MYO16: variants seen among roughly 807,000 people sequenced by gnomAD.
MYO16 encodes unconventional myosin-XVI.
In MYO16, 94 loss-of-function variants were observed where a neutral mutation model predicts 205.3. The ratio of observed to expected loss-of-function variants is 0.46; its 90% CI spans 0.39 to 0.54. The LOEUF is 0.54. MYO16 is among the 20% of genes least tolerant of loss of function. The pLI is 0.00. For missense variants in MYO16, 2,315 were observed against 2,387.5 expected, an observed-to-expected ratio of 0.97 and a Z score of 0.63; for synonymous variants, 988 against 954.0, an observed-to-expected ratio of 1.04 and a Z score of -0.66.
intron 23 of MYO16, among the ~76,000 whole-genome samples, chr13:109,039,952 T>C (rs1886828867): frequency 6.6e-6 from 1 of 151,494 alleles, no homozygotes; most frequent in African/African-American, 2.4e-5. Flanking sequence ...AAAGAGAAAA[T>C]AGAAAATACA....
intron 6 of MYO16, 126 bp downstream of exon 6, chr13:108,793,766 T>A: frequency 8.7e-7 from 1 of 1,143,060 alleles, no homozygotes; most frequent in Non-Finnish European, 1.2e-6. Context: ...ATGTCAATTG[T>A]AGAAGTTTTG....
chr13:109,002,949 G>A lies in MYO16; in HGVS notation c.2443-5948G>A, dbSNP rs371084490. 1.6e-3 allele frequency among the ~76,000 whole-genome samples: 251 copies of A among 152,186 alleles called. 9 individuals are homozygous for A. In the South Asian group the frequency reaches 0.049, roughly 30 times the overall value. ...CGATATTGAATGATATGTTCCTATT[G>A]TTAACCTTAGCTACATGTTCTAGTG... On this transcript the variant is annotated intron_variant, in intron 21 of 34. Transcript: ENST00000457511.
chr13:108,932,599 G>C (rs1284824202), intron 16 of MYO16, among the ~76,000 whole-genome samples: 2 of 152,204 alleles, frequency 1.3e-5, no homozygotes, highest in Non-Finnish European at 2.9e-5. Context: ...AACCAAGAGA[G>C]GGCTGGCTGT....
At chr13:108,761,308 G>A (rs1338731813) in intron 4 of MYO16, among the ~76,000 whole-genome samples, 1 of 151,990 alleles carries the variant, frequency 6.6e-6, no homozygotes, top group Non-Finnish European at 1.5e-5. Flanking sequence ...GCCGTCCTAA[G>A]AGGGACCTAG....
rs146689422 is a variant in MYO16, at chr13:108,816,468, G to T, written c.868-3869G>T. ...AAAAATATTAACTGCTTCTCTGTAAGGTCTGTGCAGCATTAACCATATCTC... is the reference window on the plus strand; with the variant it reads ...AAAAATATTAACTGCTTCTCTGTAATGTCTGTGCAGCATTAACCATATCTC... On this transcript the variant is annotated intron_variant, in intron 7 of 34. Coordinates refer to ENST00000457511, the MANE Select transcript of MYO16 (RefSeq NM_001198950.3). Among the ~76,000 whole-genome samples the T allele has an allele frequency of 3.8e-3, 571 of 151,488 alleles. 3 individuals carry two copies. Among genetic ancestry groups the T allele is most frequent in the South Asian group, 0.024 (112 of 4,756 alleles).
the MYO16 span, among the ~76,000 whole-genome samples, chr13:108,510,461 GT>G: frequency 0.042 from 1,911 of 45,920 alleles, 37 homozygotes; most frequent in African/African-American, 0.075. Context: ...ATTGATAGCT[GT>G]TTTTTTTTTT....
chr13:108,566,743 AAGGAAGG>A, the MYO16 span, among the ~76,000 whole-genome samples: 2,619 of 66,072 alleles, frequency 0.04, 64 homozygotes, highest in African/African-American at 0.11. Context: ...GGGAGGAAGG[AAGGAAGG>A]AAGGAAGGAA....
At chr13:109,021,565 T>C (rs2139517511) in intron 23 of MYO16, among the ~76,000 whole-genome samples, 1 of 152,248 alleles carries the variant, frequency 6.6e-6, no homozygotes, top group Non-Finnish European at 1.5e-5. Context: ...AGCAACTGGA[T>C]CCCAGTGCAA....
chr13:109,030,115 T>C (rs1886501700), intron 23 of MYO16, among the ~76,000 whole-genome samples: 1 of 150,170 alleles, frequency 6.7e-6, no homozygotes, highest in Non-Finnish European at 1.5e-5. Flanking sequence ...AGGTTCCTAA[T>C]AACCTTCTTT....
chr13:108,519,379 CT>C, the MYO16 span, among the ~76,000 whole-genome samples: 1 of 152,116 alleles, frequency 6.6e-6, no homozygotes, highest in Non-Finnish European at 1.5e-5. Flanking sequence ...CCTTTTCTCT[CT>C]TTCTTTGTAC....
Position 108,667,915 on chromosome 13 carries a change from G to A in MYO16, c.292+1766G>A, listed in dbSNP as rs562084152. Among the ~76,000 whole-genome samples, 11 of 152,150 alleles carry A rather than the reference G, an allele frequency of 7.2e-5. No homozygotes were observed. In the South Asian group the frequency reaches 8.3e-4, roughly 11 times the overall value. ...TTTTTAAAATTAGCTGGACCTGGTG[G>A]TGCATGCCCAGCTACTCAAGGAGTT... On this transcript the variant is annotated intron_variant, in intron 2 of 34. Coordinates refer to ENST00000457511, the MANE Select transcript of MYO16 (RefSeq NM_001198950.3).
chr13:108,685,631 T>A (rs1882647700), intron 2 of MYO16, among the ~76,000 whole-genome samples: 1 of 152,162 alleles, frequency 6.6e-6, no homozygotes, highest in Non-Finnish European at 1.5e-5. Context: ...CCCGTTCTGG[T>A]GTGATCCTGC....
At chr13:109,068,414 C>T (rs934145225) in intron 27 of MYO16, among the ~76,000 whole-genome samples, 13 of 152,250 alleles carry the variant, frequency 8.5e-5, no homozygotes, top group Non-Finnish European at 1.0e-4. Context: ...CTCTGTGTAG[C>T]GTTCTGCCAT....
chr13:108,709,152 T>C (rs1181201546), intron 2 of MYO16, among the ~76,000 whole-genome samples: 1 of 152,196 alleles, frequency 6.6e-6, no homozygotes, highest in African/African-American at 2.4e-5. Flanking sequence ...CTGTTTTCCT[T>C]AGGCTGTTTC....
intron 27 of MYO16, among the ~76,000 whole-genome samples, chr13:109,072,595 A>ACACACACT (rs1887957827): frequency 6.6e-6 from 1 of 151,284 alleles, no homozygotes; most frequent in South Asian, 2.1e-4. Context: ...ACACACACAC[A>ACACACACT]CACACACTCA....
At chr13:109,038,637 A>G (rs1886788324) in intron 23 of MYO16, among the ~76,000 whole-genome samples, 1 of 152,056 alleles carries the variant, frequency 6.6e-6, no homozygotes, top group South Asian at 2.1e-4. Context: ...TACTGGTTCT[A>G]TTCATTTGGA....
rs567034657 is a variant in MYO16 at position 108,867,614 on chromosome 13, C to G, written c.1425+1372C>G. On this transcript the variant is annotated intron_variant, in intron 12 of 34. Coordinates refer to ENST00000457511, the MANE Select transcript of MYO16 (RefSeq NM_001198950.3). ...TATTAAATGGTTTTGAGAAAAAGCT[C>G]AGTTCTGTATCTTTCACTTTGTGAG... Among the ~76,000 whole-genome samples, 9 of 152,294 alleles carry G rather than the reference C, an allele frequency of 5.9e-5. No individual in the cohort carries two copies. In the South Asian group the frequency reaches 1.9e-3, roughly 32 times the overall value.
chr13:109,054,990 T>C, intron 25 of MYO16, 56 bp from the exon 26 acceptor site: 1 of 1,132,784 alleles, frequency 8.8e-7, no homozygotes, highest in Non-Finnish European at 1.3e-6. Context: ...TCCTTCTTCC[T>C]TTCCTTTCCT....
At chr13:108,748,774 T>C (rs1885140283) in intron 4 of MYO16, among the ~76,000 whole-genome samples, 2 of 152,154 alleles carry the variant, frequency 1.3e-5, no homozygotes, top group Non-Finnish European at 2.9e-5. Flanking sequence ...GTGTTGTCTA[T>C]GCAAAAGAAT....
Sources: allele counts gnomAD v4.1 joint callset (sites outside exome capture counted in the v4.1 genomes callset), GRCh38; gene constraint gnomAD v4.1.1; transcripts MANE v1.5; gene names NCBI Gene and HGNC (gene_info 2026-07-23, HGNC 2026-07-21).